Variants in EP400 observed in about 807,000 individuals in gnomAD.
The protein encoded by EP400 is E1A-binding protein p400.
Under a neutral mutation model 354.1 loss-of-function variants are expected in EP400, and 105 were observed. The ratio of observed to expected loss-of-function variants is 0.30; its 90% CI spans 0.25 to 0.35. The LOEUF (loss-of-function observed/expected upper bound fraction) is 0.35, where lower values mean the gene tolerates loss of function less well. EP400 is among the 10% of genes least tolerant of loss of function. The pLI is 1.00. For missense variants in EP400, 3,280 were observed against 4,121.0 expected (o/e 0.80, Z 5.59); for synonymous variants, 1,646 against 1,716.9 (o/e 0.96, Z 1.02).
chr12:132,044,041 G>T lies in EP400; in HGVS notation c.6451-136G>T, dbSNP rs1212359318. ...GGATTTGCAGCAGGCTGCTGCTTGT[G>T]GGGGTGATGCATTGTGGAGCAGTGT... On this transcript the variant is annotated intron_variant, in intron 34 of 52. Coordinates refer to ENST00000389561, the MANE Select transcript of EP400 (RefSeq NM_015409.5). 3.4e-5 allele frequency: 43 copies of T among 1,258,014 alleles called. No homozygotes were observed. In the East Asian group the frequency reaches 4.2e-4, roughly 12 times the overall value. 77.9% of individuals were successfully genotyped at this position (1,258,014 alleles called of 1,614,324 possible).
intron 45 of EP400, among the ~76,000 whole-genome samples, chr12:132,057,508 G>A (rs185542702): frequency 1.1e-4 from 16 of 152,338 alleles, no homozygotes; most frequent in Admixed American, 3.3e-4. Flanking sequence ...ATTCGAGAAC[G>A]TTGGGAGTGG....
Position 131,961,132 on chromosome 12 carries a change from G to A in EP400, c.513G>A (p.Val171=), listed in dbSNP as rs1379594586. 6.2e-7 allele frequency: 1 copy of A among 1,611,450 alleles called. No individual in the cohort carries two copies. The highest frequency in any genetic ancestry group is 8.5e-7 in the Non-Finnish European group (1 of 1,178,882). ...LCSSSPTGGF[V]DASVLVRQIS... ...GCAGCAGCCCTACAGGGGGCTTCGT[G>A]GATGCCAGCGTGCTGGTGAGGCAGA... Residue 171 remains valine, a synonymous_variant, in exon 2 of 53, where the codon GTG becomes GTA. Transcript: ENST00000389561.
At chr12:132,014,041 C>T in intron 19 of EP400, 128 bp downstream of exon 19, 1 of 1,301,600 alleles carries the variant, frequency 7.7e-7, no homozygotes. Flanking sequence ...GAGACCGAGG[C>T]ACCCTCCTGG....
At chr12:131,984,762 G>A (rs1347097814) in intron 5 of EP400, among the ~76,000 whole-genome samples, 3 of 150,876 alleles carry the variant, frequency 2.0e-5, no homozygotes, top group Non-Finnish European at 2.9e-5. Flanking sequence ...GCAGTGGCAC[G>A]ATCTCCGCTC....
Position 132,050,632 on chromosome 12 carries a change from G to A in EP400, c.7371G>A (p.Lys2457=). The A allele has an allele frequency of 6.2e-7, 1 of 1,614,176 alleles. No individual in the cohort carries two copies. The highest frequency in any genetic ancestry group is 8.5e-7 in the Non-Finnish European group (1 of 1,180,042). ...TGAATCCCTTTCAGAAGAACCCCAAGCACGCGTCTGTGTTGGCAGAAAGGT... is the reference window on the plus strand; with the variant it reads ...TGAATCCCTTTCAGAAGAACCCCAAACACGCGTCTGTGTTGGCAGAAAGGT... The part of the protein sequence containing the change: ...LGMNPFQKNP[K]HASVLAESGI... The change falls in exon 41 of 53, where the codon AAG becomes AAA. Residue 2457 remains lysine (K), a synonymous_variant. Coordinates refer to ENST00000389561, the MANE Select transcript of EP400 (RefSeq NM_015409.5). This position sits in a 1 kb window ranked among gnomAD's most constrained non-coding sequence, Gnocchi z 4.8.
intron 37 of EP400, 152 bp downstream of exon 37, chr12:132,045,105 G>T (rs1314589591): frequency 7.4e-7 from 1 of 1,350,980 alleles, no homozygotes; most frequent in East Asian, 2.5e-5. Flanking sequence ...CTCAGGCCAT[G>T]TGCACAGGTT....
At chr12:131,965,093 T>C in intron 2 of EP400, among the ~76,000 whole-genome samples, 1 of 152,266 alleles carries the variant, frequency 6.6e-6, no homozygotes, top group South Asian at 2.1e-4. Flanking sequence ...CTTTGGATCA[T>C]GTATTTTTGA....
intron 2 of EP400, among the ~76,000 whole-genome samples, chr12:131,974,504 A>G (rs1456136437): frequency 6.6e-6 from 1 of 152,178 alleles, no homozygotes; most frequent in Non-Finnish European, 1.5e-5. Context: ...TTCTACCTTC[A>G]GAATACCATC....
chr12:132,030,426 G>A (rs556099535), intron 29 of EP400, among the ~76,000 whole-genome samples: 58 of 152,314 alleles, frequency 3.8e-4, no homozygotes, highest in African/African-American at 1.2e-3. Context: ...TTCAAGAGGT[G>A]GCTACAGGGT....
rs374207334 is a variant in EP400, at chr12:131,951,432, C to G, written c.-36+1396C>G. On this transcript the variant is annotated intron_variant, in intron 1 of 52. Coordinates refer to ENST00000389561, the MANE Select transcript of EP400 (RefSeq NM_015409.5). ...TCCTGACCTCAAACAATCCTACCGC[C>G]TTGGCCTCCTAGTGCTGGGACTGTA... 7.8e-4 allele frequency among the ~76,000 whole-genome samples: 118 copies of G among 152,024 alleles called. 1 individual carries two copies. The highest frequency in any genetic ancestry group is 2.8e-3 in the African/African-American group (116 of 41,472).
intron 2 of EP400, among the ~76,000 whole-genome samples, chr12:131,965,667 C>T (rs1016315221): frequency 5.9e-5 from 9 of 152,306 alleles, no homozygotes; most frequent in African/African-American, 1.7e-4. Context: ...TGTTCTCCAT[C>T]GCTAATGATT....
chr12:132,044,344 C>G (rs188094383), intron 35 of EP400, 33 bp downstream of exon 35: 3 of 1,599,394 alleles, frequency 1.9e-6, no homozygotes, highest in Non-Finnish European at 1.7e-6. Flanking sequence ...GCCCTCTTGC[C>G]CCCCTGCTGA....
At chr12:131,961,986 A>G in intron 2 of EP400, 32 bp downstream of exon 2, 5 of 1,579,582 alleles carry the variant, frequency 3.2e-6, no homozygotes, top group Non-Finnish European at 3.4e-6. Context: ...GTTTAGTACA[A>G]ATCTTCTAGA....
Position 132,037,665 on chromosome 12 carries a change from A to T in EP400, c.5952-17A>T. ...TTCCTGGTGACTGACTTAGCATCTT[A>T]CATCTTTTGTTTGCAGGCTTGTGAG... On this transcript the variant is annotated splice_polypyrimidine_tract_variant and intron_variant, in intron 30 of 52. Coordinates refer to ENST00000389561, the MANE Select transcript of EP400 (RefSeq NM_015409.5). 6.2e-7 allele frequency: 1 copy of T among 1,605,824 alleles called. No homozygotes were observed. The highest frequency in any genetic ancestry group is 2.2e-5 in the East Asian group (1 of 44,860).
intron 5 of EP400, among the ~76,000 whole-genome samples, chr12:131,983,170 C>T (rs2136493312): frequency 6.6e-6 from 1 of 152,250 alleles, no homozygotes; most frequent in South Asian, 2.1e-4. Context: ...GGTTCTGGGG[C>T]TGGCCCCAGG....
chr12:131,995,034 T>C (rs1893157227), intron 12 of EP400, 78 bp downstream of exon 12: 2 of 1,373,114 alleles, frequency 1.5e-6, no homozygotes, highest in East Asian at 2.4e-5. Context: ...AATAATAATA[T>C]ATTGAGTAAC....
intron 12 of EP400, among the ~76,000 whole-genome samples, chr12:132,002,636 G>C (rs1208789092): frequency 6.6e-6 from 1 of 152,236 alleles, no homozygotes; most frequent in East Asian, 1.9e-4. Context: ...GTGTCCTCCT[G>C]ACCTGGGGCT....
Position 132,044,154 on chromosome 12 carries a change from G to T in EP400, c.6451-23G>T. 4 of 1,612,128 alleles carry T rather than the reference G, an allele frequency of 2.5e-6. No homozygotes were observed. The East Asian group carries it at 8.9e-5, about 36-fold the overall frequency. On this transcript the variant is annotated intron_variant, in intron 34 of 52. Transcript: ENST00000389561. ...CTGAGCTGCACTCCTGATCCTGAAAGTTCTTGCTGCTCTCCCCGTCAGGAC... is the reference window on the plus strand; with the variant it reads ...CTGAGCTGCACTCCTGATCCTGAAATTTCTTGCTGCTCTCCCCGTCAGGAC...
rs574040970 is a variant in EP400 at position 132,038,815 on chromosome 12, C to G, written c.6207+719C>G. On this transcript the variant is annotated intron_variant, in intron 32 of 52. Transcript: ENST00000389561. The surrounding 1 kb of genome is among the most constrained non-coding windows in gnomAD (Gnocchi z 4.2). Reference sequence around the variant, plus strand: ...CCCACGTCCTGGAGATGGAGGCCTTCAGCTGCCTTTGTTCTCTGAGTCCCC... The same window carrying G: ...CCCACGTCCTGGAGATGGAGGCCTTGAGCTGCCTTTGTTCTCTGAGTCCCC... Among the ~76,000 whole-genome samples the G allele has an allele frequency of 5.3e-5, 8 of 152,206 alleles. No homozygotes were observed. The highest frequency in any genetic ancestry group is 1.2e-4 in the Non-Finnish European group (8 of 68,026).
Sources: gnomAD v4.1 joint callset for allele counts (sites outside exome capture counted in the v4.1 genomes callset) on GRCh38, gnomAD v4.1.1 for gene constraint, Gnocchi (gnomAD v3.1) non-coding constraint, MANE v1.5 for transcripts, NCBI Gene and HGNC (gene_info 2026-07-23, HGNC 2026-07-21) for gene names.